ASCC3: variants seen among roughly 807,000 people sequenced by gnomAD.
The protein encoded by ASCC3 is ASC-1 complex subunit P200.
In ASCC3, 158 loss-of-function variants were observed where a neutral mutation model predicts 256.3. The observed-to-expected ratio is 0.62, with a 90% confidence interval of 0.54 to 0.70. The LOEUF (loss-of-function observed/expected upper bound fraction) is 0.70, where lower values mean the gene tolerates loss of function less well. ASCC3 is among the 30% of genes least tolerant of loss of function. ASCC3 has a pLI of 0.00. For synonymous variants in ASCC3, 948 were observed against 883.4 expected (o/e 1.07, Z -1.30); for missense variants, 2,259 against 2,626.0 (o/e 0.86, Z 3.05).
chr6:100,859,157 T>G lies in ASCC3; in HGVS notation c.241+4907A>C, dbSNP rs756821577. On this transcript the variant is annotated intron_variant, in intron 3 of 41. Coordinates refer to ENST00000369162, the MANE Select transcript of ASCC3 (RefSeq NM_006828.4). ...AGAAGCTCTGCTCATCTTCTCATCCTCCTCTTTTCCATCCAGCCTCCTCTT... is the reference window on the plus strand; with the variant it reads ...AGAAGCTCTGCTCATCTTCTCATCCGCCTCTTTTCCATCCAGCCTCCTCTT... The G allele has an allele frequency of 1.0e-5, 8 of 780,132 alleles. No homozygotes were observed. The South Asian group carries it at 1.1e-4, about 10-fold the overall frequency. 48.3% of individuals were successfully genotyped at this position (780,132 alleles called of 1,614,324 possible).
At chr6:100,726,475 T>C (rs1779634052) in intron 10 of ASCC3, among the ~76,000 whole-genome samples, 1 of 151,974 alleles carries the variant, frequency 6.6e-6, no homozygotes, top group Non-Finnish European at 1.5e-5. Flanking sequence ...TTTTCAGATA[T>C]CAGAAAGCAT....
chr6:100,716,932 A>G (rs1179546294), intron 12 of ASCC3, among the ~76,000 whole-genome samples: 1 of 152,024 alleles, frequency 6.6e-6, no homozygotes, highest in African/African-American at 2.4e-5. Context: ...TTCTAAAGCT[A>G]TAAAAGAAGG....
chr6:100,794,379 G>T (rs1769496279), intron 8 of ASCC3, among the ~76,000 whole-genome samples: 2 of 152,046 alleles, frequency 1.3e-5, no homozygotes, highest in African/African-American at 4.8e-5. Flanking sequence ...AAAGGTAACA[G>T]CAATTTCATG....
rs371740382 is a variant in ASCC3 at position 100,749,675 on chromosome 6, G to C, written c.1737+16890C>G. 2.6e-5 allele frequency among the ~76,000 whole-genome samples: 4 copies of C among 151,762 alleles called. No individual in the cohort carries two copies. In the East Asian group the frequency reaches 5.8e-4, roughly 22 times the overall value. On this transcript the variant is annotated intron_variant, in intron 10 of 41. Coordinates refer to ENST00000369162, the MANE Select transcript of ASCC3 (RefSeq NM_006828.4). ...AAAGAGGAATGCCCTCTAATGTTCC[G>C]TTGACTGCAATTATCTAAGAACAAT...
At chr6:100,838,434 G>A (rs1189976793) in intron 4 of ASCC3, among the ~76,000 whole-genome samples, 1 of 151,824 alleles carries the variant, frequency 6.6e-6, no homozygotes, top group East Asian at 1.9e-4. Context: ...TATAAAATAA[G>A]GTCATAAATA....
At chr6:100,766,833 T>C (rs1781681355) in intron 9 of ASCC3, 128 bp from the exon 10 acceptor site, 1 of 1,129,936 alleles carries the variant, frequency 8.9e-7, no homozygotes, top group Non-Finnish European at 1.3e-6. Flanking sequence ...AAAATCTTAA[T>C]AGTGATATAT....
At position 100,516,316 on chromosome 6, in the gene ASCC3, G is replaced by A. The variant is rs753973276; in HGVS notation, c.5939C>T (p.Pro1980Leu). The part of the protein sequence containing the change: ...HHLHLFKKWK[P>L]IMKGPHARGR... The stretch of plus-strand genomic sequence containing the variant: ...CCTAGCATGTGGGCCCTTCATAATC[G>A]GCTTCCATTTCCTAGGAAATAATAT... The change falls in exon 39 of 42, where the codon CCG becomes CTG. Residue 1980 changes from proline (P) to leucine (L), a missense_variant. Transcript: ENST00000369162. 6.8e-6 allele frequency: 11 copies of A among 1,613,474 alleles called. No homozygotes were observed. In the Admixed American group the frequency reaches 8.3e-5, roughly 12 times the overall value.
intron 5 of ASCC3, among the ~76,000 whole-genome samples, chr6:100,805,114 T>A (rs1180058512): frequency 1.3e-5 from 2 of 148,660 alleles, no homozygotes; most frequent in South Asian, 4.2e-4. Context: ...GAGTCCATAG[T>A]AATATTTTTC....
chr6:100,580,125 C>A (rs1326502254), intron 36 of ASCC3, among the ~76,000 whole-genome samples: 2 of 151,964 alleles, frequency 1.3e-5, no homozygotes, highest in East Asian at 3.9e-4. Context: ...TGGCTCTCAG[C>A]TTGAATGTTG....
intron 36 of ASCC3, among the ~76,000 whole-genome samples, chr6:100,560,245 T>C (rs1432180336): frequency 6.6e-6 from 1 of 152,164 alleles, no homozygotes; most frequent in Non-Finnish European, 1.5e-5. Flanking sequence ...GATATCAATA[T>C]TTTGGCTCCA....
intron 30 of ASCC3, among the ~76,000 whole-genome samples, chr6:100,609,515 C>G (rs1773281569): frequency 6.6e-6 from 1 of 150,882 alleles, no homozygotes; most frequent in Non-Finnish European, 1.5e-5. Flanking sequence ...AATATTCTAT[C>G]ACTTTCCATT....
intron 27 of ASCC3, among the ~76,000 whole-genome samples, chr6:100,628,585 CCTTGCTCTCTTGTTCCTGCT>C (rs1263035768): frequency 6.6e-6 from 1 of 151,996 alleles, no homozygotes; most frequent in East Asian, 1.9e-4. Flanking sequence ...TCGCCCACCA[CCTTGCTCTCTTGTTCCTGCT>C]CTTGCCATGT....
intron 12 of ASCC3, among the ~76,000 whole-genome samples, chr6:100,715,904 T>C (rs1779066748): frequency 6.6e-6 from 1 of 151,852 alleles, no homozygotes; most frequent in African/African-American, 2.4e-5. Flanking sequence ...TATTTCATTA[T>C]ATAAACCATA....
chr6:100,811,594 T>A (rs1562313990), intron 4 of ASCC3, among the ~76,000 whole-genome samples: 2 of 152,144 alleles, frequency 1.3e-5, no homozygotes, highest in Admixed American at 1.3e-4. Flanking sequence ...CTCTTTTGTC[T>A]TTAACAAGAG....
intron 25 of ASCC3, among the ~76,000 whole-genome samples, chr6:100,632,182 T>TAA (rs35229827): frequency 1.6e-3 from 167 of 101,986 alleles, no homozygotes; most frequent in Middle Eastern, 7.0e-3. Flanking sequence ...GCAAACTATC[T>TAA]AAAAAAAAAA....
intron 1 of ASCC3, among the ~76,000 whole-genome samples, chr6:100,875,186 C>T (rs1363310059): frequency 6.6e-6 from 1 of 151,922 alleles, no homozygotes; most frequent in South Asian, 2.1e-4. Context: ...CAGGGAAACA[C>T]ATAAAAGGAT....
intron 10 of ASCC3, among the ~76,000 whole-genome samples, chr6:100,766,131 A>G (rs1423603163): frequency 6.6e-6 from 1 of 152,182 alleles, no homozygotes; most frequent in Non-Finnish European, 1.5e-5. Context: ...TTTAATAATA[A>G]TAACTTTGCA....
intron 5 of ASCC3, among the ~76,000 whole-genome samples, chr6:100,801,581 A>T (rs1299748674): frequency 6.6e-6 from 1 of 152,076 alleles, no homozygotes; most frequent in Non-Finnish European, 1.5e-5. Flanking sequence ...TCATAGGGAA[A>T]ACTTGTATAA....
At chr6:100,863,054 G>A (rs1165433098) in intron 3 of ASCC3, among the ~76,000 whole-genome samples, 4 of 152,286 alleles carry the variant, frequency 2.6e-5, no homozygotes, top group African/African-American at 9.6e-5. Context: ...AGAGGGGAAG[G>A]CCAGATCATG....
Sources: gnomAD v4.1 joint callset for allele counts (sites outside exome capture counted in the v4.1 genomes callset) on GRCh38, gnomAD v4.1.1 for gene constraint, MANE v1.5 for transcripts, NCBI Gene and HGNC (gene_info 2026-07-23, HGNC 2026-07-21) for gene names.